Variants in CNTN1 observed in about 807,000 individuals in gnomAD.
CNTN1 encodes contactin 1.
A neutral mutation model predicts 126.4 loss-of-function variants in CNTN1; 38 were observed. The observed-to-expected ratio is 0.30, with a 90% CI of 0.23 to 0.39. The LOEUF (loss-of-function observed/expected upper bound fraction) is 0.39, where lower values mean the gene tolerates loss of function less well. Ranked by LOEUF, CNTN1 falls within the 10% of genes least tolerant of loss-of-function variation. The pLI, the probability that CNTN1 is intolerant of heterozygous loss-of-function variation, is 1.00. For missense variants in CNTN1, 1,009 were observed against 1,248.4 expected (o/e 0.81, Z 2.89); for synonymous variants, 413 against 422.6 (o/e 0.98, Z 0.28).
chr12:40,845,959 G>T lies in CNTN1; in HGVS notation c.-76-62398G>T, dbSNP rs577249284. On this transcript the variant is annotated intron_variant, in intron 1 of 23. Transcript: ENST00000551295. ...CCATTAACAGTAAAAAATGATTACCGACAGATTGAGTTGGGGAATGTGAAT... is the reference window on the plus strand; with the variant it reads ...CCATTAACAGTAAAAAATGATTACCTACAGATTGAGTTGGGGAATGTGAAT... Among the ~76,000 whole-genome samples, 3 of 152,266 alleles carry T rather than the reference G, an allele frequency of 2.0e-5. No individual in the cohort carries two copies. In the South Asian group the frequency reaches 6.2e-4, roughly 32 times the overall value.
At chr12:40,775,380 A>T (rs1939537182) in intron 1 of CNTN1, among the ~76,000 whole-genome samples, 1 of 151,372 alleles carries the variant, frequency 6.6e-6, no homozygotes, top group South Asian at 2.1e-4. Flanking sequence ...TAGGTATGAG[A>T]TATAATTACC....
chr12:40,871,866 G>A (rs1002609580), intron 1 of CNTN1, among the ~76,000 whole-genome samples: 1 of 152,048 alleles, frequency 6.6e-6, no homozygotes, highest in Admixed American at 6.6e-5. Context: ...GGCCAACTAT[G>A]AGAAGGAAAA....
At chr12:40,809,263 A>C (rs1463878338) in intron 1 of CNTN1, among the ~76,000 whole-genome samples, 1 of 152,230 alleles carries the variant, frequency 6.6e-6, no homozygotes, top group Non-Finnish European at 1.5e-5. Context: ...AGGAAATTAC[A>C]GCTGCTAGTT....
At position 40,720,957 on chromosome 12, in the gene CNTN1, A is replaced by G. The variant is rs573360948; in HGVS notation, c.-77+28365A>G. Among the ~76,000 whole-genome samples, 72 of 151,002 alleles carry G rather than the reference A, an allele frequency of 4.8e-4. 1 individual carries two copies. The highest frequency in any genetic ancestry group is 1.7e-3 in the African/African-American group (70 of 41,344). The stretch of plus-strand genomic sequence containing the variant: ...AAAAAACAAAAAAAGAGAAATATAT[A>G]TATATATGTGTATATATGTTATAAC... On this transcript the variant is annotated intron_variant, in intron 1 of 23. Coordinates refer to ENST00000551295, the MANE Select transcript of CNTN1 (RefSeq NM_001843.4).
chr12:40,710,840 G>A (rs1373461076), intron 1 of CNTN1, among the ~76,000 whole-genome samples: 1 of 152,080 alleles, frequency 6.6e-6, no homozygotes, highest in African/African-American at 2.4e-5. Context: ...AAATATACAG[G>A]TAGAGACAAT....
intron 1 of CNTN1, among the ~76,000 whole-genome samples, chr12:40,813,644 G>T (rs1941165520): frequency 6.6e-6 from 1 of 152,268 alleles, no homozygotes; most frequent in South Asian, 2.1e-4. Context: ...AAATAGTGCT[G>T]CAATAAACAT....
Position 40,936,913 on chromosome 12 carries a change from T to C in CNTN1, c.1110+8T>C, listed in dbSNP as rs1485952597. On this transcript the variant is annotated splice_region_variant and intron_variant, in intron 10 of 23. Coordinates refer to ENST00000551295, the MANE Select transcript of CNTN1 (RefSeq NM_001843.4). The stretch of plus-strand genomic sequence containing the variant: ...TTGAAAAATGGATATGCGGTATGTA[T>C]GTTCAAGTGCTTTGCTGTTCCTGAG... 2.5e-6 allele frequency: 4 copies of C among 1,612,664 alleles called. No homozygotes were observed. The highest frequency in any genetic ancestry group is 3.4e-6 in the Non-Finnish European group (4 of 1,178,968).
intron 1 of CNTN1, among the ~76,000 whole-genome samples, chr12:40,712,009 T>C (rs1485297927): frequency 6.6e-6 from 1 of 152,152 alleles, no homozygotes; most frequent in Non-Finnish European, 1.5e-5. Context: ...AGTGAGCCAA[T>C]GTGCCCAGCC....
chr12:40,931,075 G>A (rs1018239357), intron 7 of CNTN1, among the ~76,000 whole-genome samples: 2 of 151,762 alleles, frequency 1.3e-5, no homozygotes, highest in South Asian at 2.1e-4. Context: ...CAGTTGTTCC[G>A]GTTCACATTC....
intron 9 of CNTN1, 48 bp from the exon 10 acceptor site, chr12:40,936,733 G>C (rs763701503): frequency 1.9e-6 from 3 of 1,606,822 alleles, no homozygotes; most frequent in Non-Finnish European, 2.6e-6. Context: ...AGATTATGAT[G>C]GATCTTGAGC....
At chr12:40,813,058 T>TCTCTTTCTTTCTTTCTTC (rs1941136503) in intron 1 of CNTN1, among the ~76,000 whole-genome samples, 1 of 104,704 alleles carries the variant, frequency 9.6e-6, no homozygotes, top group Non-Finnish European at 2.1e-5. Context: ...TTTCTTTCTT[T>TCTCTTTCTTTCTTTCTTC]CTTCCTTCCT....
At chr12:40,882,481 C>T (rs1307741894) in intron 1 of CNTN1, among the ~76,000 whole-genome samples, 1 of 151,710 alleles carries the variant, frequency 6.6e-6, no homozygotes, top group Non-Finnish European at 1.5e-5. Flanking sequence ...TTCTGACTCA[C>T]TCTCCCAGAG....
At chr12:40,854,385 G>A (rs1942824644) in intron 1 of CNTN1, among the ~76,000 whole-genome samples, 1 of 151,994 alleles carries the variant, frequency 6.6e-6, no homozygotes, top group Non-Finnish European at 1.5e-5. Flanking sequence ...GACACAACAT[G>A]GGGGAATAAT....
At chr12:41,017,168 G>T (rs1948800537) in intron 19 of CNTN1, among the ~76,000 whole-genome samples, 1 of 151,814 alleles carries the variant, frequency 6.6e-6, no homozygotes, top group Non-Finnish European at 1.5e-5. Context: ...AAAATAATTG[G>T]CTCTGACTTC....
chr12:40,845,395 A>G (rs765369369), intron 1 of CNTN1, among the ~76,000 whole-genome samples: 14 of 152,222 alleles, frequency 9.2e-5, no homozygotes, highest in Non-Finnish European at 2.1e-4. Context: ...AACACAGGTT[A>G]ATTTAACTTG....
Position 40,727,126 on chromosome 12 carries a change from G to A in CNTN1, c.-77+34534G>A, listed in dbSNP as rs151310585. 4.4e-3 allele frequency among the ~76,000 whole-genome samples: 655 copies of A among 150,252 alleles called. 2 individuals carry two copies. In the Middle Eastern group the frequency reaches 0.046, roughly 11 times the overall value. ...ACATGAGGAAATATTTTTAAAATGC[G>A]TGATACACTATAATAAATGTGATGA... On this transcript the variant is annotated intron_variant, in intron 1 of 23. Transcript: ENST00000551295.
chr12:40,810,143 A>G (rs1941004099), intron 1 of CNTN1, among the ~76,000 whole-genome samples: 2 of 152,172 alleles, frequency 1.3e-5, no homozygotes, highest in Non-Finnish European at 2.9e-5. Context: ...CTGTATTTTA[A>G]ATCAAGTATT....
chr12:41,025,670 T>C (rs888882801), intron 21 of CNTN1, among the ~76,000 whole-genome samples: 3 of 152,216 alleles, frequency 2.0e-5, no homozygotes, highest in Non-Finnish European at 4.4e-5. Flanking sequence ...ATCAACAGCA[T>C]GTGAAAACTA....
intron 1 of CNTN1, among the ~76,000 whole-genome samples, chr12:40,780,908 A>C (rs1232995890): frequency 7.3e-6 from 1 of 136,692 alleles, no homozygotes; most frequent in African/African-American, 2.5e-5. Context: ...TTGTGCAAAA[A>C]TGATGGAAAT....
Sources: allele counts gnomAD v4.1 joint callset (sites outside exome capture counted in the v4.1 genomes callset), GRCh38; gene constraint gnomAD v4.1.1; transcripts MANE v1.5; gene names NCBI Gene and HGNC (gene_info 2026-07-23, HGNC 2026-07-21).